Variants in DENND1A observed in about 807,000 individuals in gnomAD.
The protein encoded by DENND1A is DENN domain containing 1A, also known as DENN domain-containing protein 1A.
Under a neutral mutation model 113.7 loss-of-function variants are expected in DENND1A, and 51 were observed. The ratio of observed to expected loss-of-function variants is 0.45; its 90% CI spans 0.36 to 0.57. The LOEUF is 0.57. Among genes scored for constraint, DENND1A ranks in the 20% least tolerant of loss-of-function variants. DENND1A has a pLI of 0.00. For missense variants in DENND1A, 1,258 were observed against 1,395.9 expected (o/e 0.90, Z 1.57); for synonymous variants, 565 against 570.8 (o/e 0.99, Z 0.14).
At position 123,381,510 on chromosome 9, in the gene DENND1A, G is replaced by C. The variant is rs758541150; in HGVS notation, c.3135C>G (p.Asp1045Glu). 1.2e-6 allele frequency: 2 copies of C among 1,613,674 alleles called. No homozygotes were observed. The highest frequency in any genetic ancestry group is 1.7e-6 in the Non-Finnish European group (2 of 1,179,974). ...GGGCCAGGGCCGGACTCGGGCTCAC[G>C]TCTTGCTTGGTTTTCTGTAACAAAT... ...FEDLLQKTKQ[D>E]VSPSPALAPA... The change falls in exon 24 of 24, where the codon GAC becomes GAG. Residue 1045 changes from aspartate (D) to glutamate (E), a missense_variant. Asp to Glu is a conservative substitution (Grantham distance 45). Around this residue, in one of 2 missense-constraint regions of DENND1A, gnomAD observed 1,159 missense variants for 1,231.7 expected, o/e 0.94. Transcript: ENST00000394215. The surrounding 1 kb of genome is among the most constrained non-coding windows in gnomAD (Gnocchi z 4.7).
intron 2 of DENND1A, among the ~76,000 whole-genome samples, chr9:123,838,735 G>A (rs1004910642): frequency 6.6e-6 from 1 of 152,160 alleles, no homozygotes; most frequent in Non-Finnish European, 1.5e-5. Flanking sequence ...ACAGTGGCAA[G>A]TAGGATCCAA....
intron 18 of DENND1A, among the ~76,000 whole-genome samples, chr9:123,445,431 CTTGGT>C (rs2047231680): frequency 6.6e-6 from 1 of 152,240 alleles, no homozygotes; most frequent in Non-Finnish European, 1.5e-5. Flanking sequence ...AAGGGAGTGA[CTTGGT>C]CAGTGCTGGG....
At chr9:123,881,160 A>G (rs890976402) in intron 1 of DENND1A, among the ~76,000 whole-genome samples, 4 of 152,200 alleles carry the variant, frequency 2.6e-5, no homozygotes, top group African/African-American at 7.2e-5. Flanking sequence ...TCAGACATTA[A>G]GTCACAGTAT....
At position 123,863,973 on chromosome 9, in the gene DENND1A, T is replaced by C. The variant is rs572996951; in HGVS notation, c.88+14978A>G. Among the ~76,000 whole-genome samples, 9 of 148,954 alleles carry C rather than the reference T, an allele frequency of 6.0e-5. No individual in the cohort carries two copies. In the East Asian group the frequency reaches 1.8e-3, roughly 29 times the overall value. The stretch of plus-strand genomic sequence containing the variant: ...GTCATTGAAAATATATTAACAAAAC[T>C]CCATATTGCTTCACTCAAAAAAAAA... On this transcript the variant is annotated intron_variant, in intron 2 of 23. Transcript: ENST00000394215.
intron 5 of DENND1A, among the ~76,000 whole-genome samples, chr9:123,703,679 C>A (rs7857196): frequency 6.6e-6 from 1 of 151,788 alleles, no homozygotes; most frequent in Non-Finnish European, 1.5e-5. Flanking sequence ...CTCAAAAATG[C>A]TACGCTGAGC....
At chr9:123,841,184 CTT>C (rs1841778778) in intron 2 of DENND1A, among the ~76,000 whole-genome samples, 1 of 152,282 alleles carries the variant, frequency 6.6e-6, no homozygotes, top group South Asian at 2.1e-4. Context: ...CTACCGTACA[CTT>C]TGTTATTGTT....
At chr9:123,502,809 T>C (rs2052604086) in intron 13 of DENND1A, among the ~76,000 whole-genome samples, 1 of 152,252 alleles carries the variant, frequency 6.6e-6, no homozygotes, top group South Asian at 2.1e-4. Context: ...CAGGTTTTCA[T>C]AGTTTTAGGT....
intron 2 of DENND1A, among the ~76,000 whole-genome samples, chr9:123,861,140 CA>C (rs1475598080): frequency 6.6e-6 from 1 of 152,176 alleles, no homozygotes; most frequent in African/African-American, 2.4e-5. Context: ...ATTCCTCCCC[CA>C]ACCCCCTTCC....
intron 9 of DENND1A, among the ~76,000 whole-genome samples, chr9:123,649,140 T>C (rs978014514): frequency 2.0e-5 from 3 of 152,186 alleles, no homozygotes; most frequent in African/African-American, 4.8e-5. Context: ...TAAAACCCTA[T>C]GGGGGTTTTG....
intron 18 of DENND1A, among the ~76,000 whole-genome samples, chr9:123,442,301 C>T (rs551169448): frequency 1.3e-5 from 2 of 152,058 alleles, no homozygotes; most frequent in Non-Finnish European, 2.9e-5. Flanking sequence ...AGGTGGCCCA[C>T]GTTTGATCAA....
chr9:123,903,816 G>A (rs1368958951), intron 1 of DENND1A, among the ~76,000 whole-genome samples: 2 of 152,162 alleles, frequency 1.3e-5, no homozygotes, highest in Admixed American at 6.5e-5. Context: ...CCATTGCCCA[G>A]GCTTGCTTAG....
intron 1 of DENND1A, among the ~76,000 whole-genome samples, chr9:123,901,511 CT>C (rs1287758078): frequency 6.6e-6 from 1 of 152,174 alleles, no homozygotes; most frequent in Non-Finnish European, 1.5e-5. Context: ...TCACCTGCCC[CT>C]GGAAAGCTCC....
rs2042248122 is a variant in DENND1A, at chr9:123,381,155, T to C, written c.*277A>G. 4 of 487,378 alleles carry C rather than the reference T, an allele frequency of 8.2e-6. No homozygotes were observed. The East Asian group carries it at 1.5e-4, about 19-fold the overall frequency. The allele number at this position is 487,378 out of a possible 1,614,324, so 30.2% of individuals were successfully genotyped here. A position where few individuals can be genotyped will look rare whatever the true frequency, so the allele number is the denominator to read the frequency against. On this transcript the variant is annotated 3_prime_UTR_variant, in exon 24 of 24. Coordinates refer to ENST00000394215, the MANE Select transcript of DENND1A (RefSeq NM_001352964.2). The surrounding 1 kb of genome is among the most constrained non-coding windows in gnomAD (Gnocchi z 4.7). ...ATATCATTGGCCCAGCTGACCTCTTTAGTGCAAAACCCAATCAAGGGTGCC... is the reference window on the plus strand; with the variant it reads ...ATATCATTGGCCCAGCTGACCTCTTCAGTGCAAAACCCAATCAAGGGTGCC...
intron 1 of DENND1A, among the ~76,000 whole-genome samples, chr9:123,904,260 G>A (rs1345277581): frequency 6.6e-6 from 1 of 151,860 alleles, no homozygotes; most frequent in African/African-American, 2.4e-5. Context: ...AAACCACAAA[G>A]ATGGGGAAAA....
intron 2 of DENND1A, among the ~76,000 whole-genome samples, chr9:123,827,356 T>C (rs906694632): frequency 1.3e-5 from 2 of 149,678 alleles, no homozygotes; most frequent in African/African-American, 2.5e-5. Flanking sequence ...AAAAAGATTT[T>C]GTTGTGACCT....
chr9:123,913,379 A>C (rs1854432398), intron 1 of DENND1A, among the ~76,000 whole-genome samples: 1 of 152,164 alleles, frequency 6.6e-6, no homozygotes. Context: ...ATCAACCTTG[A>C]AAAGTGATGA....
intron 21 of DENND1A, among the ~76,000 whole-genome samples, chr9:123,398,521 T>C (rs1366908056): frequency 6.6e-6 from 1 of 151,700 alleles, no homozygotes; most frequent in Admixed American, 6.6e-5. Flanking sequence ...ACTACAGGGA[T>C]CCACCACCAT....
intron 5 of DENND1A, among the ~76,000 whole-genome samples, chr9:123,696,774 G>A (rs1248852185): frequency 1.3e-5 from 2 of 152,098 alleles, no homozygotes; most frequent in Non-Finnish European, 2.9e-5. Context: ...TTTTTTACAT[G>A]AACTCATTAG....
At chr9:123,664,117 T>A (rs1450565921) in intron 8 of DENND1A, among the ~76,000 whole-genome samples, 1 of 152,184 alleles carries the variant, frequency 6.6e-6, no homozygotes, top group Non-Finnish European at 1.5e-5. Flanking sequence ...TATGCCTGAT[T>A]TTTCTTTTGC....
Sources: allele counts gnomAD v4.1 joint callset (sites outside exome capture counted in the v4.1 genomes callset), GRCh38; gene constraint gnomAD v4.1.1; regional missense constraint gnomAD v4.1.1; non-coding constraint Gnocchi (gnomAD v3.1); transcripts MANE v1.5; gene names NCBI Gene and HGNC (gene_info 2026-07-23, HGNC 2026-07-21).